SPIDR: variants seen among roughly 807,000 people sequenced by gnomAD.
SPIDR encodes the protein DNA repair-scaffolding protein.
Under a neutral mutation model 104.6 loss-of-function variants are expected in SPIDR, and 93 were observed. The observed-to-expected ratio is 0.89, with a 90% CI of 0.75 to 1.06. The LOEUF is 1.06. SPIDR is among the 50% of genes least tolerant of loss of function. The pLI, the probability that SPIDR is intolerant of heterozygous loss-of-function variation, is 0.00. For missense variants in SPIDR, 1,154 were observed against 1,111.2 expected, an observed-to-expected ratio of 1.04 and a Z score of -0.55; for synonymous variants, 431 against 416.9, an observed-to-expected ratio of 1.03 and a Z score of -0.41.
chr8:47,380,582 T>C (rs1554644910), intron 5 of SPIDR, among the ~76,000 whole-genome samples: 1 of 152,014 alleles, frequency 6.6e-6, no homozygotes, highest in Non-Finnish European at 1.5e-5. Flanking sequence ...TCATTTCTCC[T>C]TGGGCTCCTC....
chr8:47,508,367 G>A (rs2081805692), intron 8 of SPIDR, among the ~76,000 whole-genome samples: 1 of 152,134 alleles, frequency 6.6e-6, no homozygotes, highest in Non-Finnish European at 1.5e-5. Flanking sequence ...GGAATGCATT[G>A]ACTTGATATA....
chr8:47,701,641 AGAG>A (rs1186009710), intron 12 of SPIDR, 77 bp from the exon 13 acceptor site: 4 of 1,387,396 alleles, frequency 2.9e-6, no homozygotes, highest in Non-Finnish European at 4.0e-6. Context: ...TATATATTAA[AGAG>A]GAGATTTTAA....
intron 5 of SPIDR, among the ~76,000 whole-genome samples, chr8:47,380,527 T>G (rs1380414999): frequency 2.0e-5 from 3 of 152,004 alleles, no homozygotes; most frequent in African/African-American, 7.3e-5. Flanking sequence ...GGCAGGTGCC[T>G]TTCTTGAGCC....
intron 8 of SPIDR, among the ~76,000 whole-genome samples, chr8:47,504,880 A>G (rs2081223577): frequency 1.3e-5 from 2 of 152,006 alleles, no homozygotes; most frequent in Admixed American, 1.3e-4. Context: ...GGTCTGTTGG[A>G]GTTTGCCGGA....
chr8:47,263,106 C>T (rs538313525), intron 1 of SPIDR, among the ~76,000 whole-genome samples: 87 of 152,334 alleles, frequency 5.7e-4, no homozygotes, highest in Non-Finnish European at 1.1e-3. Context: ...AACTGAGGCT[C>T]AGCAGAGAGG....
At chr8:47,400,604 A>G (rs1167990106) in intron 6 of SPIDR, among the ~76,000 whole-genome samples, 1 of 151,710 alleles carries the variant, frequency 6.6e-6, no homozygotes, top group Non-Finnish European at 1.5e-5. Context: ...GATGGAGCAC[A>G]TTGGCCCTTC....
At chr8:47,549,356 C>T (rs1384563853) in intron 8 of SPIDR, among the ~76,000 whole-genome samples, 3 of 152,200 alleles carry the variant, frequency 2.0e-5, no homozygotes, top group African/African-American at 7.2e-5. Flanking sequence ...CTCTCTTCCA[C>T]AATAGTTGAA....
chr8:47,422,814 T>G (rs2065777089), intron 7 of SPIDR, among the ~76,000 whole-genome samples: 1 of 152,194 alleles, frequency 6.6e-6, no homozygotes, highest in Non-Finnish European at 1.5e-5. Flanking sequence ...TTAACATCTT[T>G]GGTATGTGGA....
At chr8:47,639,550 C>T (rs1446441413) in intron 10 of SPIDR, among the ~76,000 whole-genome samples, 2 of 152,150 alleles carry the variant, frequency 1.3e-5, no homozygotes, top group East Asian at 1.9e-4. Context: ...TACCCTATAA[C>T]TTCACTTCCA....
intron 5 of SPIDR, among the ~76,000 whole-genome samples, chr8:47,322,473 C>G (rs986215179): frequency 6.6e-6 from 1 of 152,184 alleles, no homozygotes; most frequent in Admixed American, 6.5e-5. Flanking sequence ...AATAGGAACA[C>G]TTTTACACCG....
intron 11 of SPIDR, among the ~76,000 whole-genome samples, chr8:47,694,630 G>A (rs545332282): frequency 6.6e-6 from 1 of 152,202 alleles, no homozygotes; most frequent in African/African-American, 2.4e-5. Flanking sequence ...AATTAGCCAG[G>A]AATGGTGGTG....
At position 47,736,197 on chromosome 8, in the gene SPIDR, C is replaced by T. The variant is rs2086219292; in HGVS notation, c.*747C>T. On this transcript the variant is annotated 3_prime_UTR_variant, in exon 20 of 20. Transcript: ENST00000297423. ...TTTGGACACTATAAAGATTTTGTTC[C>T]CTTCCTTATAGCAATATAATCATGA... is the stretch of plus-strand genomic sequence containing the variant. 1 of 152,776 alleles carries T rather than the reference C, an allele frequency of 6.5e-6. No individual in the cohort carries two copies. Among genetic ancestry groups the T allele is most frequent in the African/African-American group, 2.4e-5 (1 of 41,432 alleles). The allele number at this position is 152,776 out of a possible 1,614,324, so 9.5% of individuals were successfully genotyped here.
intron 8 of SPIDR, among the ~76,000 whole-genome samples, chr8:47,536,837 A>G (rs1048832875): frequency 1.3e-5 from 2 of 152,222 alleles, no homozygotes; most frequent in Non-Finnish European, 2.9e-5. Flanking sequence ...AAGAACTTGT[A>G]CTCAGAATAT....
chr8:47,480,491 G>C (rs2076780568), intron 8 of SPIDR, among the ~76,000 whole-genome samples: 1 of 152,194 alleles, frequency 6.6e-6, no homozygotes, highest in Non-Finnish European at 1.5e-5. Flanking sequence ...AAACTTTCCA[G>C]CTCTTAAAAA....
chr8:47,546,789 C>A, intron 8 of SPIDR: 1 of 212,476 alleles, frequency 4.7e-6, no homozygotes. Context: ...TAATTTGTCA[C>A]CAAGAGACCA....
intron 5 of SPIDR, among the ~76,000 whole-genome samples, chr8:47,322,416 G>A (rs1204605286): frequency 6.6e-6 from 1 of 152,150 alleles, no homozygotes; most frequent in African/African-American, 2.4e-5. Flanking sequence ...TAGAATGGCA[G>A]TCATTAAGAA....
chr8:47,534,586 TAAG>T (rs1456499821), intron 8 of SPIDR, among the ~76,000 whole-genome samples: 4 of 151,978 alleles, frequency 2.6e-5, no homozygotes, highest in East Asian at 3.9e-4. Context: ...GATAAGAACT[TAAG>T]AACACAAAGA....
At chr8:47,651,040 A>G (rs973281949) in intron 10 of SPIDR, among the ~76,000 whole-genome samples, 2 of 152,158 alleles carry the variant, frequency 1.3e-5, no homozygotes, top group African/African-American at 4.8e-5. Context: ...ACATCCCCTA[A>G]GCAAAAAATT....
At chr8:47,721,907 A>T (rs1589526954) in intron 16 of SPIDR, among the ~76,000 whole-genome samples, 1 of 152,336 alleles carries the variant, frequency 6.6e-6, no homozygotes, top group East Asian at 1.9e-4. Context: ...GTTTGTTGAT[A>T]TCCACAAAAT....
Sources: allele counts gnomAD v4.1 joint callset (sites outside exome capture counted in the v4.1 genomes callset), GRCh38; gene constraint gnomAD v4.1.1; transcripts MANE v1.5; gene names NCBI Gene and HGNC (gene_info 2026-07-23, HGNC 2026-07-21).